Variants in TAX1BP3 observed in about 807,000 individuals in gnomAD.
The protein encoded by TAX1BP3 is Tax1 binding protein 3, also known as tax1-binding protein 3.
In TAX1BP3, 13 loss-of-function variants were observed where a neutral mutation model predicts 15.3. The observed-to-expected ratio is 0.85, with a 90% CI of 0.55 to 1.35. The LOEUF (loss-of-function observed/expected upper bound fraction) is 1.35, where lower values mean the gene tolerates loss of function less well. TAX1BP3 is among the 40% of genes most tolerant of loss of function. TAX1BP3 has a pLI of 0.00. For synonymous variants in TAX1BP3, 70 were observed against 66.0 expected (o/e 1.06, Z -0.30); for missense variants, 147 against 169.6 (o/e 0.87, Z 0.74).
At chr17:3,665,741 C>G (rs1139395) in intron 1 of TAX1BP3, 1 of 258,288 alleles carries the variant, frequency 3.9e-6, no homozygotes, top group Non-Finnish European at 7.2e-6. Flanking sequence ...TCTCTGGGCT[C>G]CAAAAAAAAA....
At chr17:3,666,080 G>T (rs1424068025) in intron 1 of TAX1BP3, among the ~76,000 whole-genome samples, 1 of 152,244 alleles carries the variant, frequency 6.6e-6, no homozygotes, top group Non-Finnish European at 1.5e-5. Context: ...GCGCCGTCCA[G>T]TCAGCAGATG....
At position 3,664,588 on chromosome 17, in the gene TAX1BP3, T is replaced by C. The variant is rs772874851; in HGVS notation, c.159+91A>G. 7.9e-6 allele frequency: 12 copies of C among 1,517,662 alleles called. No individual in the cohort carries two copies. The Admixed American group carries it at 2.0e-4, about 25-fold the overall frequency. 94.0% of individuals were successfully genotyped at this position (1,517,662 alleles called of 1,614,324 possible). On this transcript the variant is annotated intron_variant, in intron 2 of 3. Transcript: ENST00000225525. ...AGAGCATGGTTTGAGAGATGAAGTCTGTTCCTTCCATGCAGGCCCAGGAAG... is the reference window on the plus strand; with the variant it reads ...AGAGCATGGTTTGAGAGATGAAGTCCGTTCCTTCCATGCAGGCCCAGGAAG...
chr17:3,665,714 C>CAA (rs58454200), intron 1 of TAX1BP3: 6,552 of 528,342 alleles, frequency 0.012, 12 homozygotes, highest in Non-Finnish European at 0.015. Flanking sequence ...AGGTGTTAAA[C>CAA]AAAAAAAAAT....
intron 3 of TAX1BP3, 84 bp downstream of exon 3, chr17:3,664,111 G>T (rs2076312146): frequency 6.4e-7 from 1 of 1,560,706 alleles, no homozygotes; most frequent in African/African-American, 1.4e-5. Context: ...CTCCCAGCTG[G>T]GAGGCTGGGG....
rs1207341495 is a variant in TAX1BP3 at position 3,664,569 on chromosome 17, T to C, written c.159+110A>G. On this transcript the variant is annotated intron_variant, in intron 2 of 3. Transcript: ENST00000225525. ...ACTTCCGATGCCTTCTTAGAGAGCA[T>C]GGTTTGAGAGATGAAGTCTGTTCCT... 7.6e-6 allele frequency: 11 copies of C among 1,454,144 alleles called. No individual in the cohort carries two copies. The East Asian group carries it at 2.1e-4, about 27-fold the overall frequency. The allele number at this position is 1,454,144 out of a possible 1,614,324, so 90.1% of individuals were successfully genotyped here.
chr17:3,665,490 G>A lies in TAX1BP3; in HGVS notation c.40-692C>T, dbSNP rs972057899. ...CAAGATTCTTGCCAAGAGAATTAAT[G>A]TGCGTATTGAGCACATAAAGCACTC... On this transcript the variant is annotated intron_variant, in intron 1 of 3. Coordinates refer to ENST00000225525, the MANE Select transcript of TAX1BP3 (RefSeq NM_014604.4). 53 of 1,345,644 alleles carry A rather than the reference G, an allele frequency of 3.9e-5. No homozygotes were observed. The East Asian group carries it at 4.1e-4, about 10-fold the overall frequency. The allele number at this position is 1,345,644 out of a possible 1,614,324, so 83.4% of individuals were successfully genotyped here. A position where few individuals can be genotyped will look rare whatever the true frequency, so the allele number is the denominator to read the frequency against.
rs375177174 is a variant in TAX1BP3, at chr17:3,664,679, C to G, written c.159G>C (p.Lys53Asn). ...GTCCCAGGACCCCAGACCCCCTCACCTTGTCCGTCTTGTCTTCAGAGAAGG... is the reference window on the plus strand; with the variant it reads ...GTCCCAGGACCCCAGACCCCCTCACGTTGTCCGTCTTGTCTTCAGAGAAGG... The part of the protein sequence containing the change: ...QNPFSEDKTD[K>N]GIYVTRVSEG... Residue 53 changes from lysine to asparagine, a missense_variant and splice_region_variant, in exon 2 of 4, where the codon AAG (lysine) becomes AAC (asparagine). Transcript: ENST00000225525. The G allele has an allele frequency of 3.7e-6, 6 of 1,613,814 alleles. No individual in the cohort carries two copies. The highest frequency in any genetic ancestry group is 5.1e-6 in the Non-Finnish European group (6 of 1,179,988).
intron 1 of TAX1BP3, chr17:3,665,373 A>G: frequency 1.5e-6 from 2 of 1,367,566 alleles, no homozygotes; most frequent in Non-Finnish European, 2.0e-6. Flanking sequence ...TCAAAAAGGA[A>G]TGCCCCACAA....
At position 3,668,513 on chromosome 17, in the gene TAX1BP3, G is replaced by T; in HGVS notation, c.14C>A (p.Pro5Gln). The change falls in exon 1 of 4, where the codon CCG (proline) becomes CAG (glutamine). Residue 5 changes from proline (P) to glutamine (Q), a missense_variant. Physicochemically the swap from Pro to Gln is moderately conservative, Grantham distance 76 (BLOSUM62 -1). Transcript: ENST00000225525. The surrounding 1 kb of genome is among the most constrained non-coding windows in gnomAD (Gnocchi z 4.1). ...CACCACGGCGGTGACCGGCTGGCCC[G>T]GGATGTAGGACATCTCGACCCTGCT... MSYI[P>Q]GQPVTAVVQR... 1 of 1,608,758 alleles carries T rather than the reference G, an allele frequency of 6.2e-7. No homozygotes were observed. Among genetic ancestry groups the T allele is most frequent in the Non-Finnish European group, 8.5e-7 (1 of 1,178,458 alleles).
intron 1 of TAX1BP3, chr17:3,665,433 G>C: frequency 7.0e-7 from 1 of 1,438,008 alleles, no homozygotes; most frequent in South Asian, 1.1e-5. Context: ...CCAGCATGCT[G>C]TTGGCATTGT....
chr17:3,664,400 G>A (rs754790964), intron 2 of TAX1BP3, 128 bp from the exon 3 acceptor site: 54 of 1,156,310 alleles, frequency 4.7e-5, no homozygotes, highest in Non-Finnish European at 6.5e-5. Flanking sequence ...CAGCACATAT[G>A]GTCAGTGAGG....
chr17:3,668,561 A>C lies in TAX1BP3; in HGVS notation c.-35T>G. On this transcript the variant is annotated 5_prime_UTR_variant, in exon 1 of 4. Coordinates refer to ENST00000225525, the MANE Select transcript of TAX1BP3 (RefSeq NM_014604.4). This position sits in a 1 kb window ranked among gnomAD's most constrained non-coding sequence, Gnocchi z 4.1. ...GCTCTGGTCGCCCAGCGCCGCTCCG[A>C]GAAGCCGGCAGCAGAGTACCCGCGG... 17 of 1,583,368 alleles carry C rather than the reference A, an allele frequency of 1.1e-5. No homozygotes were observed. Among genetic ancestry groups the C allele is most frequent in the Non-Finnish European group, 1.5e-5 (17 of 1,166,758 alleles).
chr17:3,668,093 G>C lies in TAX1BP3; in HGVS notation c.39+395C>G, dbSNP rs539029005. Among the ~76,000 whole-genome samples the C allele has an allele frequency of 1.3e-5, 2 of 152,260 alleles. No homozygotes were observed. Among genetic ancestry groups the C allele is most frequent in the African/African-American group, 4.8e-5 (2 of 41,472 alleles). ...CCTCCGGGCGGCGGCGCAGGCTGCAGCGGAGGAAGCATTTCCTCATTCCAG... is the reference window on the plus strand; with the variant it reads ...CCTCCGGGCGGCGGCGCAGGCTGCACCGGAGGAAGCATTTCCTCATTCCAG... On this transcript the variant is annotated intron_variant, in intron 1 of 3. Transcript: ENST00000225525. The surrounding 1 kb of genome is among the most constrained non-coding windows in gnomAD (Gnocchi z 4.1).
intron 1 of TAX1BP3, among the ~76,000 whole-genome samples, chr17:3,666,508 G>A (rs2076340705): frequency 6.6e-6 from 1 of 152,208 alleles, no homozygotes; most frequent in Non-Finnish European, 1.5e-5. Flanking sequence ...AGGAGGAGGA[G>A]GAGCAGGTTA....
Position 3,664,783 on chromosome 17 carries a change from G to A in TAX1BP3, c.55C>T (p.His19Tyr), listed in dbSNP as rs2076320871. 1 of 1,613,578 alleles carries A rather than the reference G, an allele frequency of 6.2e-7. No homozygotes were observed. Among genetic ancestry groups the A allele is most frequent in the East Asian group, 2.2e-5 (1 of 44,888 alleles). ...AAGTTCTCACCTTGACGCAGCTTGT[G>A]AATTTCAACTCTTTGCTGGCAAAGA... ...VTAVVQRVEI[H>Y]KLRQGENLIL... The change falls in exon 2 of 4, where the codon CAC (histidine) becomes TAC (tyrosine). Residue 19 changes from histidine to tyrosine, a missense_variant. His to Tyr is a moderately conservative substitution (Grantham distance 83). Transcript: ENST00000225525.
rs1228776873 is a variant in TAX1BP3 at position 3,664,807 on chromosome 17, GA to G, written c.40-10del. The G allele has an allele frequency of 1.2e-6, 2 of 1,611,372 alleles. No individual in the cohort carries two copies. The highest frequency in any genetic ancestry group is 1.1e-5 in the South Asian group (1 of 90,922). On this transcript the variant is annotated splice_polypyrimidine_tract_variant and intron_variant, in intron 1 of 3. Coordinates refer to ENST00000225525, the MANE Select transcript of TAX1BP3 (RefSeq NM_014604.4). Reference sequence around the variant, plus strand: ...TGAATTTCAACTCTTTGCTGGCAAAGAAAAAAGCCAGTTGAGAGAAGTGGGT... The same window carrying G: ...TGAATTTCAACTCTTTGCTGGCAAAGAAAAAGCCAGTTGAGAGAAGTGGGT...
Position 3,664,266 on chromosome 17 carries a change from A to G in TAX1BP3, c.166T>C (p.Tyr56His). ...FSEDKTDKGI[Y>H]VTRVSEGGPA... ...CCTCCTTCAGACACCCGTGTGACAT[A>G]AATACCCTGGAAAGGGGCAGCCCAA... Residue 56 changes from tyrosine (Y) to histidine (H), a missense_variant, in exon 3 of 4, where the codon TAT becomes CAT. By Grantham distance (83) the Tyr-to-His change is moderately conservative. Transcript: ENST00000225525. 6.2e-7 allele frequency: 1 copy of G among 1,613,938 alleles called. No individual in the cohort carries two copies. The highest frequency in any genetic ancestry group is 1.1e-5 in the South Asian group (1 of 91,080).
chr17:3,667,223 A>T (rs531496760), intron 1 of TAX1BP3, among the ~76,000 whole-genome samples: 4 of 151,898 alleles, frequency 2.6e-5, no homozygotes, highest in South Asian at 4.2e-4. Context: ...CATGCCTGTA[A>T]TCCCAGCTAC....
At chr17:3,667,770 T>G (rs1029391669) in intron 1 of TAX1BP3, among the ~76,000 whole-genome samples, 4 of 152,172 alleles carry the variant, frequency 2.6e-5, no homozygotes, top group African/African-American at 9.6e-5. Context: ...GTCCCAGCCT[T>G]CCTTCCTCCC....
Sources: gnomAD v4.1 joint callset for allele counts (sites outside exome capture counted in the v4.1 genomes callset) on GRCh38, gnomAD v4.1.1 for gene constraint, Gnocchi (gnomAD v3.1) non-coding constraint, MANE v1.5 for transcripts, NCBI Gene and HGNC (gene_info 2026-07-23, HGNC 2026-07-21) for gene names.